ZNF432: variants seen among roughly 807,000 people sequenced by gnomAD.
ZNF432 encodes zinc finger protein 432.
In ZNF432, 10 loss-of-function variants were observed where a neutral mutation model predicts 13.9. The observed-to-expected ratio is 0.72, with a 90% CI of 0.44 to 1.22. ZNF432 has a LOEUF of 1.22. ZNF432 is among the 50% of genes most tolerant of loss of function. ZNF432 has a pLI of 0.00. For synonymous variants in ZNF432, 247 were observed against 256.2 expected (o/e 0.96, Z 0.34); for missense variants, 793 against 796.2 (o/e 1.00, Z 0.05).
At position 52,046,898 on chromosome 19, in the gene ZNF432, C is replaced by T. The variant is rs2087189501; in HGVS notation, c.-30G>A. On this transcript the variant is annotated 5_prime_UTR_variant, in exon 2 of 5. Coordinates refer to ENST00000221315, the MANE Select transcript of ZNF432 (RefSeq NM_014650.4). ...TTCTGTTGTGGGAAATGGCCAGCACCTGGGATACTCTGTCTTTGTCTCCTC... is the reference window on the plus strand; with the variant it reads ...TTCTGTTGTGGGAAATGGCCAGCACTTGGGATACTCTGTCTTTGTCTCCTC... 1.2e-6 allele frequency: 2 copies of T among 1,611,764 alleles called. No individual in the cohort carries two copies. The highest frequency in any genetic ancestry group is 4.5e-5 in the East Asian group (2 of 44,796).
chr19:52,040,939 C>CAA (rs137978203), intron 3 of ZNF432, among the ~76,000 whole-genome samples: 1 of 124,942 alleles, frequency 8.0e-6, no homozygotes, highest in African/African-American at 3.1e-5. Flanking sequence ...TCCATCTCTA[C>CAA]AAAAAAAAAA....
intron 4 of ZNF432, among the ~76,000 whole-genome samples, chr19:52,038,571 T>C (rs552847955): frequency 6.6e-6 from 1 of 152,330 alleles, no homozygotes; most frequent in South Asian, 2.1e-4. Context: ...ATTACAGGCA[T>C]GAGCCACCGC....
chr19:52,035,354 C>G lies in ZNF432; in HGVS notation c.325G>C (p.Ala109Pro), dbSNP rs1244310887. Residue 109 changes from alanine (A) to proline (P), a missense_variant, in exon 5 of 5, where the codon GCA becomes CCA. Physicochemically the swap from Ala to Pro is conservative, Grantham distance 27. Coordinates refer to ENST00000221315, the MANE Select transcript of ZNF432 (RefSeq NM_014650.4). ...GTTTGAGAGGCAGTATTTCCAAATGCATTATGTTCATGGTATTGTTCCACA... is the reference window on the plus strand; with the variant it reads ...GTTTGAGAGGCAGTATTTCCAAATGGATTATGTTCATGGTATTGTTCCACA... The part of the protein sequence containing the change: ...KSVEQYHEHN[A>P]FGNTASQTKS... 17 of 1,611,726 alleles carry G rather than the reference C, an allele frequency of 1.1e-5. No individual in the cohort carries two copies. In the Middle Eastern group the frequency reaches 1.3e-3, roughly 126 times the overall value.
intron 2 of ZNF432, among the ~76,000 whole-genome samples, chr19:52,045,376 G>A (rs1314779300): frequency 8.5e-6 from 1 of 117,256 alleles, no homozygotes; most frequent in East Asian, 2.7e-4. Context: ...TTTTTTTCGA[G>A]ACGGAGTTTC....
At chr19:52,048,182 C>CACACACACACACACACACACACAA (rs1482172095) in intron 1 of ZNF432, among the ~76,000 whole-genome samples, 1 of 146,216 alleles carries the variant, frequency 6.8e-6, no homozygotes, top group African/African-American at 2.6e-5. Context: ...CACACACACA[C>CACACACACACACACACACACACAA]AAAACCAGCC....
At chr19:52,048,171 A>ACACACACACACACACC (rs2087208145) in intron 1 of ZNF432, among the ~76,000 whole-genome samples, 18 of 145,232 alleles carry the variant, frequency 1.2e-4, no homozygotes, top group Admixed American at 1.2e-3. Context: ...ACACACACAC[A>ACACACACACACACACC]CACACACACA....
Position 52,046,967 on chromosome 19 carries a change from G to T in ZNF432, c.-99C>A. 1.6e-6 allele frequency: 2 copies of T among 1,273,310 alleles called. No individual in the cohort carries two copies. Among genetic ancestry groups the T allele is most frequent in the Non-Finnish European group, 2.2e-6 (2 of 893,946 alleles). 78.9% of individuals were successfully genotyped at this position (1,273,310 alleles called of 1,614,324 possible). A position where few individuals can be genotyped will look rare whatever the true frequency, so the allele number is the denominator to read the frequency against. On this transcript the variant is annotated 5_prime_UTR_variant, in exon 2 of 5. Transcript: ENST00000221315. ...CTATTTAGAAACTTCAGTCACCAGT[G>T]AAGGGTGTCCACAGAAATCATATCT... is the stretch of plus-strand genomic sequence containing the variant.
chr19:52,048,034 G>T (rs1473117510), intron 1 of ZNF432, among the ~76,000 whole-genome samples: 3 of 151,714 alleles, frequency 2.0e-5, no homozygotes, highest in Non-Finnish European at 4.4e-5. Flanking sequence ...AAAGCCAGAG[G>T]ATTAGAAAAC....
intron 1 of ZNF432, among the ~76,000 whole-genome samples, chr19:52,048,018 T>C (rs2087203572): frequency 6.6e-6 from 1 of 152,020 alleles, no homozygotes; most frequent in South Asian, 2.1e-4. Flanking sequence ...GCATGGGTTG[T>C]TGTGGAAAGC....
Position 52,047,033 on chromosome 19 carries a change from T to C in ZNF432, c.-165A>G, listed in dbSNP as rs2087191310. The C allele has an allele frequency of 2.9e-6, 2 of 698,658 alleles. No homozygotes were observed. The highest frequency in any genetic ancestry group is 2.5e-5 in the South Asian group (1 of 39,796). 43.3% of individuals were successfully genotyped at this position (698,658 alleles called of 1,614,324 possible). ...CCTCTTTCTTCATTTACTTCTTGTC[T>C]CTTCCCAGGGTAGCCAGGACCTGTG... On this transcript the variant is annotated 5_prime_UTR_variant, in exon 2 of 5. Coordinates refer to ENST00000221315, the MANE Select transcript of ZNF432 (RefSeq NM_014650.4).
At position 52,041,611 on chromosome 19, in the gene ZNF432, A is replaced by G. The variant is rs766640436; in HGVS notation, c.16-5T>C. The G allele has an allele frequency of 1.4e-5, 22 of 1,613,994 alleles. No individual in the cohort carries two copies. The highest frequency in any genetic ancestry group is 3.4e-6 in the Non-Finnish European group (4 of 1,179,998). On this transcript the variant is annotated splice_region_variant and splice_polypyrimidine_tract_variant and intron_variant, in intron 2 of 4. Transcript: ENST00000221315. ...ATCCTCCAGTGTCAGCAATTCCTGT[A>G]AGAAAACAGAGCCTTGCTTAATAGG...
intron 2 of ZNF432, among the ~76,000 whole-genome samples, chr19:52,041,925 T>G (rs990920804): frequency 6.6e-6 from 1 of 152,182 alleles, no homozygotes; most frequent in African/African-American, 2.4e-5. Flanking sequence ...TATAAATTGT[T>G]TCATTCACTG....
chr19:52,046,743 G>A (rs1485698437), intron 2 of ZNF432, 111 bp downstream of exon 2: 2 of 1,103,322 alleles, frequency 1.8e-6, no homozygotes, highest in Middle Eastern at 2.2e-4. Context: ...TTGCCATGAT[G>A]TTGGAGTTAG....
At position 52,035,342 on chromosome 19, in the gene ZNF432, T is replaced by G. The variant is rs747222826; in HGVS notation, c.337A>C (p.Thr113Pro). 11 of 1,612,554 alleles carry G rather than the reference T, an allele frequency of 6.8e-6. No individual in the cohort carries two copies. The highest frequency in any genetic ancestry group is 8.5e-6 in the Non-Finnish European group (10 of 1,179,696). ...CAAAGGCTTTTGGTTTGAGAGGCAG[T>G]ATTTCCAAATGCATTATGTTCATGG... ...QYHEHNAFGN[T>P]ASQTKSLCLF... The change falls in exon 5 of 5, where the codon ACT (threonine) becomes CCT (proline). Residue 113 changes from threonine (T) to proline (P), a missense_variant. By Grantham distance (38) the Thr-to-Pro change is conservative. Transcript: ENST00000221315.
At chr19:52,043,987 G>A (rs1259015836) in intron 2 of ZNF432, among the ~76,000 whole-genome samples, 2 of 151,976 alleles carry the variant, frequency 1.3e-5, no homozygotes, top group South Asian at 2.1e-4. Flanking sequence ...CTGGTTCCCC[G>A]GGTCCCCTTA....
intron 2 of ZNF432, among the ~76,000 whole-genome samples, chr19:52,042,910 G>A (rs1308150778): frequency 6.6e-6 from 1 of 152,184 alleles, no homozygotes; most frequent in African/African-American, 2.4e-5. Flanking sequence ...CCTAACAACT[G>A]ACTTCCACAG....
chr19:52,040,586 G>A lies in ZNF432; in HGVS notation c.143-3C>T, dbSNP rs761612409. On this transcript the variant is annotated splice_region_variant and splice_polypyrimidine_tract_variant and intron_variant, in intron 3 of 4. Coordinates refer to ENST00000221315, the MANE Select transcript of ZNF432 (RefSeq NM_014650.4). The stretch of plus-strand genomic sequence containing the variant: ...ATCTGGTTTGCTGACTTGATAACCT[G>A]TTTACGGGAAATAATAGAAGACAGA... 30 of 1,613,290 alleles carry A rather than the reference G, an allele frequency of 1.9e-5. No individual in the cohort carries two copies. The highest frequency in any genetic ancestry group is 2.5e-5 in the Non-Finnish European group (29 of 1,179,424).
intron 2 of ZNF432, among the ~76,000 whole-genome samples, chr19:52,042,560 A>G (rs1055726537): frequency 6.6e-6 from 1 of 152,182 alleles, no homozygotes; most frequent in Non-Finnish European, 1.5e-5. Flanking sequence ...AAAAATTAAA[A>G]TAACTGAAAA....
At chr19:52,047,167 T>C (rs1568524848) in intron 1 of ZNF432, 107 bp from the exon 2 acceptor site, 2 of 391,244 alleles carry the variant, frequency 5.1e-6, no homozygotes, top group Non-Finnish European at 9.1e-6. Context: ...AGACCCTCAA[T>C]GTAGGCCAAA....
Sources: gnomAD v4.1 joint callset for allele counts (sites outside exome capture counted in the v4.1 genomes callset) on GRCh38, gnomAD v4.1.1 for gene constraint, MANE v1.5 for transcripts, NCBI Gene and HGNC (gene_info 2026-07-23, HGNC 2026-07-21) for gene names.